CCDC77: variants seen among roughly 807,000 people sequenced by gnomAD.
CCDC77 encodes the protein coiled-coil domain containing 77.
A neutral mutation model predicts 66.8 loss-of-function variants in CCDC77; 56 were observed. The ratio of observed to expected loss-of-function variants is 0.84; its 90% CI spans 0.68 to 1.05. CCDC77 has a LOEUF of 1.05. CCDC77 is among the 50% of genes least tolerant of loss of function. CCDC77 has a pLI of 0.00. For synonymous variants in CCDC77, 196 were observed against 195.2 expected, an observed-to-expected ratio of 1.00 and a Z score of -0.03; for missense variants, 570 against 576.8, an observed-to-expected ratio of 0.99 and a Z score of 0.12.
chr12:412,129 C>A (rs1210637984), intron 4 of CCDC77, 151 bp downstream of exon 4: 2 of 650,734 alleles, frequency 3.1e-6, no homozygotes, highest in East Asian at 5.5e-5. Flanking sequence ...TCAGGCCCTC[C>A]TTGGATCATA....
intron 1 of CCDC77, among the ~76,000 whole-genome samples, chr12:402,107 T>C (rs1012543423): frequency 6.6e-6 from 1 of 152,214 alleles, no homozygotes; most frequent in Non-Finnish European, 1.5e-5. Flanking sequence ...TTCAAAGTGC[T>C]ACACAAATGT....
intron 4 of CCDC77, among the ~76,000 whole-genome samples, chr12:414,784 TA>T (rs139864108): frequency 0.018 from 2,732 of 152,028 alleles, 71 homozygotes; most frequent in African/African-American, 0.063. Flanking sequence ...GCTTCCTAAA[TA>T]TTACTTAATC....
In CCDC77 at chr12:431,903, A is replaced by G; in HGVS notation, c.621A>G (p.Arg207=). Residue 207 remains arginine (R), a synonymous_variant, in exon 8 of 13, where the codon AGA becomes AGG. Transcript: ENST00000239830. ...KISKRRPSRE[R]KESSEHYQRD... Reference sequence around the variant, plus strand: ...GCAAAAGAAGACCATCGAGAGAGAGAAAAGAAAGTTCTGAGCATTACCAAA... The same window carrying G: ...GCAAAAGAAGACCATCGAGAGAGAGGAAAGAAAGTTCTGAGCATTACCAAA... 6.2e-7 allele frequency: 1 copy of G among 1,612,246 alleles called. No individual in the cohort carries two copies. Among genetic ancestry groups the G allele is most frequent in the Non-Finnish European group, 8.5e-7 (1 of 1,178,966 alleles).
chr12:441,096 C>A, intron 12 of CCDC77, 100 bp downstream of exon 12: 1 of 1,200,288 alleles, frequency 8.3e-7, no homozygotes, highest in Non-Finnish European at 1.2e-6. Flanking sequence ...TGTTTCCCTG[C>A]TGGTAAACAC....
In CCDC77 at chr12:441,949, A is replaced by G; in HGVS notation, c.*29A>G. On this transcript the variant is annotated 3_prime_UTR_variant, in exon 13 of 13. Transcript: ENST00000239830. ...CTACTTTTGGAAATGGCCCCCATTT[A>G]GAAGAGGTGTGCTTCTTGAAACCTG... The G allele has an allele frequency of 6.2e-7, 1 of 1,612,530 alleles. No individual in the cohort carries two copies. The highest frequency in any genetic ancestry group is 2.2e-5 in the East Asian group (1 of 44,870).
chr12:414,680 T>G (rs376833546), intron 4 of CCDC77, among the ~76,000 whole-genome samples: 1 of 152,184 alleles, frequency 6.6e-6, no homozygotes, highest in Non-Finnish European at 1.5e-5. Context: ...ATGCCTTAAC[T>G]TTTTCTTTAT....
At chr12:410,046 G>C (rs1945077498) in intron 3 of CCDC77, among the ~76,000 whole-genome samples, 1 of 151,206 alleles carries the variant, frequency 6.6e-6, no homozygotes, top group Non-Finnish European at 1.5e-5. Flanking sequence ...TCTCTCACAA[G>C]TTTTTAATCA....
chr12:436,398 T>A (rs1056930086), intron 9 of CCDC77, among the ~76,000 whole-genome samples: 9 of 151,670 alleles, frequency 5.9e-5, no homozygotes, highest in Non-Finnish European at 1.3e-4. Flanking sequence ...TGCTGGGATT[T>A]CCTTCTTAGT....
At chr12:415,359 T>C (rs1433152296) in intron 4 of CCDC77, among the ~76,000 whole-genome samples, 1 of 112,372 alleles carries the variant, frequency 8.9e-6, no homozygotes, top group Non-Finnish European at 2.0e-5. Flanking sequence ...CAACATAATA[T>C]TATGTTAATA....
chr12:413,491 G>C (rs1396617029), intron 4 of CCDC77, among the ~76,000 whole-genome samples: 1 of 152,054 alleles, frequency 6.6e-6, no homozygotes, highest in East Asian at 1.9e-4. Context: ...CACCCGCCTC[G>C]GCCTCCTAAA....
rs761272542 is a variant in CCDC77 at position 418,617 on chromosome 12, A to C, written c.394A>C (p.Asn132His). 6.2e-7 allele frequency: 1 copy of C among 1,613,964 alleles called. No homozygotes were observed. The highest frequency in any genetic ancestry group is 2.2e-5 in the East Asian group (1 of 44,876). Residue 132 changes from asparagine to histidine, a missense_variant, in exon 5 of 13, where the codon AAT (asparagine) becomes CAT (histidine). Transcript: ENST00000239830. ...REHVLRLYSE[N>H]DRLRIRELED... ...ACATGTTTTACGCCTCTACTCAGAA[A>C]ATGACCGACTGAGAATCAGGTACCA...
At chr12:412,311 T>G (rs1591967474) in intron 4 of CCDC77, among the ~76,000 whole-genome samples, 1 of 152,228 alleles carries the variant, frequency 6.6e-6, no homozygotes, top group Admixed American at 6.5e-5. Flanking sequence ...TATCAAGTCC[T>G]TCAAACCTAA....
chr12:416,324 TGA>T (rs1945256132), intron 4 of CCDC77, among the ~76,000 whole-genome samples: 1 of 97,894 alleles, frequency 1.0e-5, no homozygotes, highest in East Asian at 3.4e-4. Context: ...TGTGTGTGTG[TGA>T]GTCTGTGGGT....
chr12:407,936 T>C (rs926243546), intron 2 of CCDC77, among the ~76,000 whole-genome samples: 3 of 151,950 alleles, frequency 2.0e-5, no homozygotes, highest in Non-Finnish European at 4.4e-5. Context: ...TACGGGTGCC[T>C]GCCACGACAC....
chr12:390,647 G>T (rs1267791837), intron 1 of CCDC77, among the ~76,000 whole-genome samples: 1 of 152,024 alleles, frequency 6.6e-6, no homozygotes. Flanking sequence ...CTTTTCCCTG[G>T]CCTCCAGCCT....
chr12:409,831 TA>T (rs57102155), intron 3 of CCDC77: 8,623 of 136,650 alleles, frequency 0.063, 925 homozygotes, highest in African/African-American at 0.21. Flanking sequence ...CCGTCTCTAC[TA>T]AAAAAAAAAA....
Position 416,344 on chromosome 12 carries a change from G to GGTGT in CCDC77, c.271-2119_271-2116dup, listed in dbSNP as rs1174833426. Among the ~76,000 whole-genome samples the GGTGT allele has an allele frequency of 5.4e-4, 20 of 37,098 alleles. 1 individual carries two copies. Among genetic ancestry groups the GGTGT allele is most frequent in the African/African-American group, 6.5e-4 (7 of 10,844 alleles). 24.3% of individuals were successfully genotyped at this position (37,098 alleles called of 152,430 possible). On this transcript the variant is annotated intron_variant, in intron 4 of 12. Transcript: ENST00000239830. ...GTGTGTGAGTCTGTGGGTGTGTGGGGGTGTGTGTGTGTGTGTGTGTGTGTG... is the reference window on the plus strand; with the variant it reads ...GTGTGTGAGTCTGTGGGTGTGTGGGGGTGTGTGTGTGTGTGTGTGTGTGTGTGTG...
intron 5 of CCDC77, among the ~76,000 whole-genome samples, chr12:422,971 C>T (rs1447740132): frequency 2.0e-5 from 3 of 151,990 alleles, no homozygotes; most frequent in Non-Finnish European, 4.4e-5. Flanking sequence ...CATTGTAATT[C>T]TGTTTTTATT....
At chr12:407,540 T>C (rs1317546643) in intron 2 of CCDC77, among the ~76,000 whole-genome samples, 3 of 152,194 alleles carry the variant, frequency 2.0e-5, no homozygotes, top group East Asian at 1.9e-4. Flanking sequence ...TGAAAACTAC[T>C]AATGTGCACA....
Sources: allele counts gnomAD v4.1 joint callset (sites outside exome capture counted in the v4.1 genomes callset), GRCh38; gene constraint gnomAD v4.1.1; transcripts MANE v1.5; gene names NCBI Gene and HGNC (gene_info 2026-07-23, HGNC 2026-07-21).